Variants in NALF1 observed in about 807,000 individuals in gnomAD.
NALF1 encodes family with sequence similarity 155 member A.
NALF1 carries 3 observed loss-of-function variants against 48.4 expected under a neutral mutation model. That is an observed-to-expected ratio of 0.06 (90% CI 0.03 to 0.16). The LOEUF (loss-of-function observed/expected upper bound fraction) is 0.16. Among genes scored for constraint, NALF1 ranks in the 10% least tolerant of loss-of-function variants. The probability of loss-of-function intolerance (pLI) is 1.00; values close to 1 mark genes in which losing one functional copy is unlikely to be tolerated. For synonymous variants in NALF1, 262 were observed against 245.7 expected, an observed-to-expected ratio of 1.07 and a Z score of -0.62; for missense variants, 526 against 571.5, an observed-to-expected ratio of 0.92 and a Z score of 0.81.
At chr13:107,179,683 A>C (rs1254641299) in intron 2 of NALF1, among the ~76,000 whole-genome samples, 4 of 151,340 alleles carry the variant, frequency 2.6e-5, no homozygotes, top group African/African-American at 9.7e-5. Flanking sequence ...AAAAAAAAAA[A>C]AAACCACAGC....
At chr13:107,849,229 C>A (rs1381691693) in intron 1 of NALF1, among the ~76,000 whole-genome samples, 2 of 152,140 alleles carry the variant, frequency 1.3e-5, no homozygotes, top group Non-Finnish European at 2.9e-5. Flanking sequence ...AAAACATTTG[C>A]TGTGAGTGAT....
At chr13:107,813,880 C>CTGTTGTTAT (rs145898444) in intron 1 of NALF1, among the ~76,000 whole-genome samples, 6,434 of 151,946 alleles carry the variant, frequency 0.042, 178 homozygotes, top group African/African-American at 0.079. Flanking sequence ...AATTAAATTG[C>CTGTTGTTAT]TGTTGTTATT....
intron 1 of NALF1, among the ~76,000 whole-genome samples, chr13:107,289,295 G>A (rs9520365): frequency 0.33 from 50,056 of 151,938 alleles, 8,470 homozygotes; most frequent in East Asian, 0.56. Flanking sequence ...CACATGCCTT[G>A]TCTATTTACC....
intron 1 of NALF1, among the ~76,000 whole-genome samples, chr13:107,481,929 T>C (rs1348461024): frequency 6.6e-6 from 1 of 152,154 alleles, no homozygotes; most frequent in Non-Finnish European, 1.5e-5. Context: ...GAGGGAAATA[T>C]TCTTTTATCC....
At chr13:107,334,319 T>C (rs1201647064) in intron 1 of NALF1, among the ~76,000 whole-genome samples, 5 of 152,322 alleles carry the variant, frequency 3.3e-5, no homozygotes, top group African/African-American at 9.6e-5. Context: ...ATTTGCTCTT[T>C]TAGTTGAGAA....
At chr13:107,247,398 T>C (rs1880606639) in intron 1 of NALF1, among the ~76,000 whole-genome samples, 1 of 152,218 alleles carries the variant, frequency 6.6e-6, no homozygotes, top group Non-Finnish European at 1.5e-5. Flanking sequence ...ATCAGTGTTT[T>C]TGATGATACA....
At chr13:107,177,883 C>A (rs1594056409) in intron 2 of NALF1, among the ~76,000 whole-genome samples, 1 of 152,100 alleles carries the variant, frequency 6.6e-6, no homozygotes. Context: ...AACCTCATCT[C>A]TACTAAAAAT....
chr13:107,311,571 A>G (rs1186392834), intron 1 of NALF1, among the ~76,000 whole-genome samples: 1 of 150,698 alleles, frequency 6.6e-6, no homozygotes, highest in Non-Finnish European at 1.5e-5. Flanking sequence ...ATGATATAAT[A>G]TAATAAAAAT....
At chr13:107,767,752 T>C (rs1877455409) in intron 1 of NALF1, among the ~76,000 whole-genome samples, 1 of 152,240 alleles carries the variant, frequency 6.6e-6, no homozygotes, top group Non-Finnish European at 1.5e-5. Context: ...TGGTCCATTA[T>C]TTTTTAATCT....
At chr13:107,742,498 T>A (rs1010945641) in intron 1 of NALF1, among the ~76,000 whole-genome samples, 1 of 152,178 alleles carries the variant, frequency 6.6e-6, no homozygotes, top group East Asian at 1.9e-4. Flanking sequence ...TATAAGGGGC[T>A]TTCCCCCCTT....
chr13:107,207,392 A>T (rs1879665775), intron 2 of NALF1, among the ~76,000 whole-genome samples: 1 of 152,192 alleles, frequency 6.6e-6, no homozygotes, highest in African/African-American at 2.4e-5. Context: ...CATTTGTAGG[A>T]GACGGACATC....
intron 1 of NALF1, among the ~76,000 whole-genome samples, chr13:107,828,610 C>T (rs3931326): frequency 0.27 from 9,373 of 35,330 alleles, 364 homozygotes; most frequent in Admixed American, 0.39. Flanking sequence ...TATCTATACA[C>T]ACACACACAC....
chr13:107,336,694 C>G lies in NALF1; in HGVS notation c.916-125939G>C, dbSNP rs144412218. Among the ~76,000 whole-genome samples the G allele has an allele frequency of 2.8e-3, 429 of 152,162 alleles. 5 individuals carry two copies. The highest frequency in any genetic ancestry group is 0.023 in the Admixed American group (359 of 15,284). On this transcript the variant is annotated intron_variant, in intron 1 of 2. Transcript: ENST00000375915. ...ATGTAACATAAAATTGTAAGTAAAG[C>G]CCATTTTCAGTAGTAGTTTCTTTTT...
intron 1 of NALF1, among the ~76,000 whole-genome samples, chr13:107,803,414 A>G (rs1878681345): frequency 6.6e-6 from 1 of 152,194 alleles, no homozygotes; most frequent in South Asian, 2.1e-4. Context: ...TAGTAATTTT[A>G]TAAGGTCCAA....
At chr13:107,231,994 G>T (rs1880236285) in intron 1 of NALF1, among the ~76,000 whole-genome samples, 4 of 152,168 alleles carry the variant, frequency 2.6e-5, no homozygotes, top group Admixed American at 2.6e-4. Context: ...GAGTGTCAAA[G>T]ACATGGAATT....
intron 1 of NALF1, among the ~76,000 whole-genome samples, chr13:107,641,756 C>G (rs1004283306): frequency 6.6e-6 from 1 of 152,116 alleles, no homozygotes; most frequent in East Asian, 1.9e-4. Context: ...GCCTCACAAC[C>G]TGAACCGTGG....
At chr13:107,742,379 C>T (rs1594239156) in intron 1 of NALF1, among the ~76,000 whole-genome samples, 1 of 152,204 alleles carries the variant, frequency 6.6e-6, no homozygotes, top group Non-Finnish European at 1.5e-5. Context: ...TTCCCATAAT[C>T]CCCATGTGTC....
intron 1 of NALF1, among the ~76,000 whole-genome samples, chr13:107,298,383 CA>C (rs1263819334): frequency 4.2e-5 from 4 of 95,682 alleles, no homozygotes; most frequent in Non-Finnish European, 8.6e-5. Flanking sequence ...AAAAAAAAGA[CA>C]AAAAGACACA....
chr13:107,527,310 G>A (rs1478199174), intron 1 of NALF1, among the ~76,000 whole-genome samples: 3 of 151,992 alleles, frequency 2.0e-5, no homozygotes, highest in African/African-American at 7.2e-5. Flanking sequence ...AAGCGTTCAG[G>A]GGATATCTTT....
Sources: gnomAD v4.1 joint callset for allele counts (sites outside exome capture counted in the v4.1 genomes callset) on GRCh38, gnomAD v4.1.1 for gene constraint, MANE v1.5 for transcripts, NCBI Gene and HGNC (gene_info 2026-07-23, HGNC 2026-07-21) for gene names.